RABGAP1L: variants seen among roughly 807,000 people sequenced by gnomAD.
RABGAP1L encodes rab GTPase-activating protein 1-like.
In RABGAP1L, 63 loss-of-function variants were observed where a neutral mutation model predicts 137.7. The ratio of observed to expected loss-of-function variants is 0.46; its 90% CI spans 0.37 to 0.56. RABGAP1L has a LOEUF of 0.56. Ranked by LOEUF, RABGAP1L falls within the 20% of genes least tolerant of loss-of-function variation. RABGAP1L has a pLI of 0.00. For missense variants in RABGAP1L, 1,095 were observed against 1,244.0 expected (o/e 0.88, Z 1.80); for synonymous variants, 431 against 433.7 (o/e 0.99, Z 0.08).
At position 174,241,569 on chromosome 1, in the gene RABGAP1L, C is replaced by G. The variant is rs138264771; in HGVS notation, c.629C>G (p.Thr210Arg). Residue 210 changes from threonine (T) to arginine (R), a missense_variant, in exon 5 of 26, where the codon ACA becomes AGA. By Grantham distance (71) the Thr-to-Arg change is moderately conservative. Around this residue, in one of 4 missense-constraint regions of RABGAP1L, gnomAD observed 356 missense variants for 326.3 expected, o/e 1.09. Coordinates refer to ENST00000681986, the MANE Select transcript of RABGAP1L (RefSeq NM_001366446.1). ...LFCARGHDGT[T>R]ESNCFAFTES... ...TGTGCACGTGGACATGACGGAACAA[C>G]AGAGAGCAATTGCTTTGCATTTACA... is the stretch of plus-strand genomic sequence containing the variant. The G allele has an allele frequency of 2.8e-5, 45 of 1,613,462 alleles. No individual in the cohort carries two copies. Among genetic ancestry groups the G allele is most frequent in the Non-Finnish European group, 5.9e-6 (7 of 1,179,600 alleles).
In RABGAP1L at chr1:174,923,147, G is replaced by GAAA. The variant is rs61592378; in HGVS notation, c.2341-34298_2341-34296dup. The stretch of plus-strand genomic sequence containing the variant: ...TGTGACAGAACAAGACCCTATCTCA[G>GAAA]AAAAAAAAAAAAAAGTAGAGCATAT... On this transcript the variant is annotated intron_variant, in intron 19 of 25. Transcript: ENST00000681986. Among the ~76,000 whole-genome samples the GAAA allele has an allele frequency of 5.1e-3, 662 of 130,312 alleles. 8 individuals are homozygous for GAAA. Among genetic ancestry groups the GAAA allele is most frequent in the African/African-American group, 0.013 (493 of 37,812 alleles). 85.5% of individuals were successfully genotyped at this position (130,312 alleles called of 152,430 possible). A position where few individuals can be genotyped will look rare whatever the true frequency, so the allele number is the denominator to read the frequency against.
intron 19 of RABGAP1L, among the ~76,000 whole-genome samples, chr1:174,929,839 C>A (rs529299754): frequency 7.2e-6 from 1 of 139,010 alleles, no homozygotes; most frequent in Non-Finnish European, 1.5e-5. Flanking sequence ...GATTTTAAAG[C>A]AAAATTTAAT....
intron 4 of RABGAP1L, among the ~76,000 whole-genome samples, chr1:174,236,639 T>C (rs1280795889): frequency 6.7e-6 from 1 of 148,510 alleles, no homozygotes; most frequent in Admixed American, 6.7e-5. Flanking sequence ...AGAGACAGTT[T>C]GTTATAATTT....
intron 19 of RABGAP1L, among the ~76,000 whole-genome samples, chr1:174,924,378 T>C (rs774223048): frequency 6.2e-5 from 6 of 96,840 alleles, no homozygotes; most frequent in Admixed American, 1.3e-4. Context: ...AGAGCAAGAC[T>C]CTGTCTCAAA....
chr1:174,399,084 C>G (rs1402161366), intron 13 of RABGAP1L, among the ~76,000 whole-genome samples: 2 of 152,198 alleles, frequency 1.3e-5, no homozygotes, highest in East Asian at 3.9e-4. Flanking sequence ...ATGTGTGGCT[C>G]TAATCATGTG....
intron 10 of RABGAP1L, among the ~76,000 whole-genome samples, chr1:174,289,323 TAAGC>T (rs950518242): frequency 6.6e-6 from 1 of 152,244 alleles, no homozygotes; most frequent in African/African-American, 2.4e-5. Context: ...ATTATAGGCA[TAAGC>T]CACTGTGCCT....
intron 11 of RABGAP1L, among the ~76,000 whole-genome samples, chr1:174,341,516 G>C (rs1265405001): frequency 6.6e-6 from 1 of 152,156 alleles, no homozygotes; most frequent in Admixed American, 6.5e-5. Context: ...ATGAAAACTT[G>C]ACCGCTTACT....
intron 17 of RABGAP1L, among the ~76,000 whole-genome samples, chr1:174,710,949 C>A (rs868643734): frequency 6.6e-6 from 1 of 152,144 alleles, no homozygotes; most frequent in Non-Finnish European, 1.5e-5. Context: ...GCTCAGGCTG[C>A]GCAGGAGCCC....
At chr1:174,936,752 C>G (rs1469266316) in intron 19 of RABGAP1L, among the ~76,000 whole-genome samples, 1 of 152,110 alleles carries the variant, frequency 6.6e-6, no homozygotes, top group Non-Finnish European at 1.5e-5. Context: ...AAAGATGAAA[C>G]TTTACTAAGA....
chr1:174,975,541 TG>T (rs1400595617), intron 21 of RABGAP1L, among the ~76,000 whole-genome samples: 1 of 152,184 alleles, frequency 6.6e-6, no homozygotes, highest in Non-Finnish European at 1.5e-5. Context: ...AGTGGCCATG[TG>T]GGCAGGTTTA....
intron 17 of RABGAP1L, among the ~76,000 whole-genome samples, chr1:174,713,247 A>C (rs917051798): frequency 6.6e-6 from 1 of 152,234 alleles, no homozygotes; most frequent in African/African-American, 2.4e-5. Context: ...ACCATTATGA[A>C]GAATTTAGTG....
Position 174,761,002 on chromosome 1 carries a change from A to T in RABGAP1L, c.2211+8648A>T, listed in dbSNP as rs1326739622. Among the ~76,000 whole-genome samples, 2 of 152,218 alleles carry T rather than the reference A, an allele frequency of 1.3e-5. No individual in the cohort carries two copies. The highest frequency in any genetic ancestry group is 4.8e-5 in the African/African-American group (2 of 41,466). On this transcript the variant is annotated intron_variant, in intron 18 of 25. Coordinates refer to ENST00000681986, the MANE Select transcript of RABGAP1L (RefSeq NM_001366446.1). The surrounding 1 kb of genome is among the most constrained non-coding windows in gnomAD (Gnocchi z 4.0). ...TGTGGAAATTATTTTCTAGCAAGAG[A>T]CAGTTGATAATTGTATTAGTTCATT...
Position 174,993,766 on chromosome 1 carries a change from G to T in RABGAP1L, c.*3765G>T, listed in dbSNP as rs1437581982. On this transcript the variant is annotated 3_prime_UTR_variant, in exon 26 of 26. Coordinates refer to ENST00000681986, the MANE Select transcript of RABGAP1L (RefSeq NM_001366446.1). ...TGCCTTGGTTTTGTTTTATCTTCTG[G>T]GAAAGAACACTTTTACTTGATTAGC... is the stretch of plus-strand genomic sequence containing the variant. 1 of 152,072 alleles carries T rather than the reference G, an allele frequency of 6.6e-6. No individual in the cohort carries two copies. Among genetic ancestry groups the T allele is most frequent in the East Asian group, 1.9e-4 (1 of 5,198 alleles). 9.4% of individuals were successfully genotyped at this position (152,072 alleles called of 1,614,324 possible).
At chr1:174,775,524 G>C (rs1573132908) in intron 18 of RABGAP1L, among the ~76,000 whole-genome samples, 1 of 152,012 alleles carries the variant, frequency 6.6e-6, no homozygotes, top group East Asian at 1.9e-4. Context: ...TGTTGGTCAG[G>C]CTGGTCTCGA....
chr1:174,485,142 T>C (rs1232470271), intron 13 of RABGAP1L, among the ~76,000 whole-genome samples: 1 of 152,204 alleles, frequency 6.6e-6, no homozygotes, highest in Non-Finnish European at 1.5e-5. Context: ...TTTAAATTTC[T>C]TTTTCAGATT....
intron 13 of RABGAP1L, among the ~76,000 whole-genome samples, chr1:174,595,666 CG>C (rs1232136695): frequency 1.3e-5 from 2 of 148,800 alleles, no homozygotes; most frequent in Non-Finnish European, 3.0e-5. Flanking sequence ...TTAGGCTGCT[CG>C]GGGGTCAGGG....
At chr1:174,930,620 G>A (rs754618517) in intron 19 of RABGAP1L, among the ~76,000 whole-genome samples, 1 of 152,002 alleles carries the variant, frequency 6.6e-6, no homozygotes, top group Non-Finnish European at 1.5e-5. Context: ...CCCAGCATAC[G>A]AACCCATTTT....
chr1:174,854,759 T>C (rs1455810170), intron 19 of RABGAP1L, among the ~76,000 whole-genome samples: 1 of 102,780 alleles, frequency 9.7e-6, no homozygotes, highest in Non-Finnish European at 2.0e-5. Context: ...TTTTTTTTTT[T>C]TGAGACGTTG....
At chr1:174,767,457 A>T (rs1685764294) in intron 18 of RABGAP1L, among the ~76,000 whole-genome samples, 1 of 151,904 alleles carries the variant, frequency 6.6e-6, no homozygotes, top group African/African-American at 2.4e-5. Context: ...GCTATTGTGA[A>T]TTGAATTGTT....
Sources: allele counts gnomAD v4.1 joint callset (sites outside exome capture counted in the v4.1 genomes callset), GRCh38; gene constraint gnomAD v4.1.1; regional missense constraint gnomAD v4.1.1; non-coding constraint Gnocchi (gnomAD v3.1); transcripts MANE v1.5; gene names NCBI Gene and HGNC (gene_info 2026-07-23, HGNC 2026-07-21).